MYO9A: variants seen among roughly 807,000 people sequenced by gnomAD.
MYO9A encodes the protein unconventional myosin-IXa.
MYO9A carries 103 observed loss-of-function variants against 293.3 expected under a neutral mutation model. The observed-to-expected ratio is 0.35, with a 90% CI of 0.30 to 0.41. The LOEUF (loss-of-function observed/expected upper bound fraction) is 0.41, where lower values mean the gene tolerates loss of function less well. Ranked by LOEUF, MYO9A falls within the 10% of genes least tolerant of loss-of-function variation. The pLI, the probability that MYO9A is intolerant of heterozygous loss-of-function variation, is 1.00. For missense variants in MYO9A, 2,685 were observed against 3,033.0 expected (o/e 0.89, Z 2.69); for synonymous variants, 1,001 against 1,035.7 (o/e 0.97, Z 0.64).
Position 71,825,071 on chromosome 15 carries a change from T to A in MYO9A, c.*1509A>T, listed in dbSNP as rs2054417631. ...CAAGACAAGATGCATTTAGTAACTT[T>A]AAAAATAAACATTTCACATACTTAT... On this transcript the variant is annotated 3_prime_UTR_variant, in exon 42 of 42. Coordinates refer to ENST00000356056, the MANE Select transcript of MYO9A (RefSeq NM_006901.4). The A allele has an allele frequency of 6.6e-6, 1 of 152,234 alleles. No individual in the cohort carries two copies. The highest frequency in any genetic ancestry group is 1.5e-5 in the Non-Finnish European group (1 of 68,046). The allele number at this position is 152,234 out of a possible 1,614,324, so 9.4% of individuals were successfully genotyped here. A position where few individuals can be genotyped will look rare whatever the true frequency, so the allele number is the denominator to read the frequency against.
intron 5 of MYO9A, among the ~76,000 whole-genome samples, chr15:72,019,649 CAA>C (rs1369712590): frequency 6.6e-6 from 1 of 152,068 alleles, no homozygotes; most frequent in Non-Finnish European, 1.5e-5. Flanking sequence ...TATATTAATA[CAA>C]AGTCATTAGT....
At chr15:71,959,710 T>C in intron 14 of MYO9A, 191 bp downstream of exon 14, 1 of 586,774 alleles carries the variant, frequency 1.7e-6, no homozygotes, top group Non-Finnish European at 3.0e-6. Context: ...GCAGTATAAC[T>C]CTTTTACAGA....
chr15:72,031,167 C>T (rs528747254), intron 3 of MYO9A, among the ~76,000 whole-genome samples: 6 of 152,270 alleles, frequency 3.9e-5, no homozygotes, highest in South Asian at 2.1e-4. Flanking sequence ...AAATTGTCTT[C>T]GACGAAACCA....
chr15:72,088,405 T>C (rs934106656), intron 1 of MYO9A, among the ~76,000 whole-genome samples: 2 of 152,362 alleles, frequency 1.3e-5, no homozygotes, highest in East Asian at 1.9e-4. Flanking sequence ...CTTTTTCCAA[T>C]AGTGCTTCAA....
In MYO9A at chr15:71,860,969, C is replaced by CAAAAAAAAAAAAAA. The variant is rs61030744; in HGVS notation, c.6092-1187_6092-1174dup. 5.0e-3 allele frequency among the ~76,000 whole-genome samples: 161 copies of CAAAAAAAAAAAAAA among 32,404 alleles called. 13 individuals are homozygous for CAAAAAAAAAAAAAA. The highest frequency in any genetic ancestry group is 0.028 in the East Asian group (28 of 1,002). The allele number at this position is 32,404 out of a possible 152,430, so 21.3% of individuals were successfully genotyped here. ...GCAACAAAGTTAGACTCCATCTCACCAAAAAAAAAAAAAAAAAAAAAAAAA... is the reference window on the plus strand; with the variant it reads ...GCAACAAAGTTAGACTCCATCTCACCAAAAAAAAAAAAAAAAAAAAAAAAAAAAAAAAAAAAAAA... On this transcript the variant is annotated intron_variant, in intron 33 of 41. Coordinates refer to ENST00000356056, the MANE Select transcript of MYO9A (RefSeq NM_006901.4).
chr15:71,881,567 TTAAG>T (rs1401363512), intron 28 of MYO9A, among the ~76,000 whole-genome samples: 5 of 152,308 alleles, frequency 3.3e-5, no homozygotes, highest in East Asian at 1.9e-4. Flanking sequence ...CTTAGATATA[TTAAG>T]TATCTATTTT....
chr15:71,993,147 T>TC (rs2076588858), intron 10 of MYO9A, among the ~76,000 whole-genome samples: 1 of 152,046 alleles, frequency 6.6e-6, no homozygotes, highest in Non-Finnish European at 1.5e-5. Context: ...GGTCAGGTGT[T>TC]CGAGACCAGC....
intron 31 of MYO9A, 96 bp downstream of exon 31, chr15:71,877,944 A>G: frequency 9.0e-7 from 1 of 1,112,286 alleles, no homozygotes; most frequent in Non-Finnish European, 1.3e-6. Flanking sequence ...TCAAAATAAA[A>G]TTTTTCTCAA....
chr15:71,898,341 C>T lies in MYO9A; in HGVS notation c.4162G>A (p.Asp1388Asn), dbSNP rs976576122. The change falls in exon 25 of 42, where the codon GAT (aspartate) becomes AAT (asparagine). Residue 1388 changes from aspartate to asparagine, a missense_variant. Physicochemically the swap from Asp to Asn is conservative, Grantham distance 23. Around this residue, in one of 10 missense-constraint regions of MYO9A, gnomAD observed 1,434 missense variants for 1,497.7 expected, o/e 0.96. Coordinates refer to ENST00000356056, the MANE Select transcript of MYO9A (RefSeq NM_006901.4). Reference protein sequence around the residue: ...NETSSAEHLKDGTMKEMVVCS... With the variant: ...NETSSAEHLKNGTMKEMVVCS... ...ACCACCATTTCCTTCATAGTTCCAT[C>T]CTTCAAATGCTCTGCACTGCTAGTC... is the stretch of plus-strand genomic sequence containing the variant. 6.2e-6 allele frequency: 10 copies of T among 1,613,614 alleles called. No homozygotes were observed. Among genetic ancestry groups the T allele is most frequent in the Non-Finnish European group, 8.5e-7 (1 of 1,180,036 alleles).
At chr15:72,024,526 C>A (rs1290230779) in intron 4 of MYO9A, among the ~76,000 whole-genome samples, 1 of 152,182 alleles carries the variant, frequency 6.6e-6, no homozygotes. Context: ...CCCACCTTGG[C>A]TTCCCCAAAG....
At chr15:72,038,439 A>G (rs2078125544) in intron 2 of MYO9A, among the ~76,000 whole-genome samples, 1 of 152,250 alleles carries the variant, frequency 6.6e-6, no homozygotes, top group Admixed American at 6.5e-5. Flanking sequence ...TTCAAGTTAT[A>G]CAACACAGTG....
chr15:71,908,321 C>G (rs561991776), intron 19 of MYO9A, among the ~76,000 whole-genome samples: 1 of 151,926 alleles, frequency 6.6e-6, no homozygotes, highest in Non-Finnish European at 1.5e-5. Flanking sequence ...TTTTGGTACC[C>G]GGCTAATTTT....
chr15:71,919,745 G>A (rs1257144042), intron 18 of MYO9A, among the ~76,000 whole-genome samples: 5 of 149,490 alleles, frequency 3.3e-5, no homozygotes, highest in Admixed American at 6.7e-5. Context: ...GGGAGGCTGA[G>A]GCAGAAGAAT....
At position 72,076,471 on chromosome 15, in the gene MYO9A, A is replaced by C. The variant is rs570235395; in HGVS notation, c.-71-29837T>G. 4.6e-5 allele frequency among the ~76,000 whole-genome samples: 7 copies of C among 152,332 alleles called. No individual in the cohort carries two copies. In the East Asian group the frequency reaches 1.3e-3, roughly 29 times the overall value. ...ATATTTCTAAATACTCCATGAAAGAATGGAAAATGACATTTTTAAATACCA... is the reference window on the plus strand; with the variant it reads ...ATATTTCTAAATACTCCATGAAAGACTGGAAAATGACATTTTTAAATACCA... On this transcript the variant is annotated intron_variant, in intron 1 of 41. Coordinates refer to ENST00000356056, the MANE Select transcript of MYO9A (RefSeq NM_006901.4).
chr15:71,894,668 A>C (rs2057273887), intron 25 of MYO9A, among the ~76,000 whole-genome samples: 5 of 152,242 alleles, frequency 3.3e-5, no homozygotes, highest in Admixed American at 2.6e-4. Flanking sequence ...TCAAACTAAA[A>C]GTATGCTCCA....
intron 19 of MYO9A, among the ~76,000 whole-genome samples, chr15:71,908,048 G>C (rs1480813385): frequency 6.6e-6 from 1 of 152,120 alleles, no homozygotes; most frequent in African/African-American, 2.4e-5. Flanking sequence ...GTAATGCCTA[G>C]GTTTTCTTCT....
At position 71,851,292 on chromosome 15, in the gene MYO9A, T is replaced by C; in HGVS notation, c.6542A>G (p.His2181Arg). Residue 2181 changes from histidine (H) to arginine (R), a missense_variant, in exon 37 of 42, where the codon CAT becomes CGT. Physicochemically the swap from His to Arg is conservative, Grantham distance 29. Coordinates refer to ENST00000356056, the MANE Select transcript of MYO9A (RefSeq NM_006901.4). ...YSVIDQLSRT[H>R]LNTLERLIFH... ...GATGAGGCGTTCCAGTGTATTGAGA[T>C]GAGTTCGGGAGAGTTGATCAATCAC... The C allele has an allele frequency of 6.2e-7, 1 of 1,614,042 alleles. No individual in the cohort carries two copies. Among genetic ancestry groups the C allele is most frequent in the Non-Finnish European group, 8.5e-7 (1 of 1,179,934 alleles).
At chr15:71,878,005 A>C in intron 31 of MYO9A, 35 bp downstream of exon 31, 4 of 1,492,348 alleles carry the variant, frequency 2.7e-6, no homozygotes, top group Non-Finnish European at 3.6e-6. Context: ...ATTCATAATT[A>C]AATCCTTTAA....
intron 27 of MYO9A, among the ~76,000 whole-genome samples, chr15:71,887,549 A>C (rs1419783313): frequency 6.6e-6 from 1 of 152,100 alleles, no homozygotes; most frequent in Non-Finnish European, 1.5e-5. Context: ...CCATAAATTT[A>C]CCTTCCCAGT....
Sources: gnomAD v4.1 joint callset for allele counts (sites outside exome capture counted in the v4.1 genomes callset) on GRCh38, gnomAD v4.1.1 for gene constraint, gnomAD v4.1.1 regional missense constraint, MANE v1.5 for transcripts, NCBI Gene and HGNC (gene_info 2026-07-23, HGNC 2026-07-21) for gene names.